INPP4B: variants seen among roughly 807,000 people sequenced by gnomAD.
INPP4B encodes the protein inositol polyphosphate 4-phosphatase type II.
INPP4B carries 55 observed loss-of-function variants against 122.5 expected under a neutral mutation model. The ratio of observed to expected loss-of-function variants is 0.45; its 90% CI spans 0.36 to 0.56. The LOEUF is 0.56. INPP4B is among the 20% of genes least tolerant of loss of function. INPP4B has a pLI of 0.00. For synonymous variants in INPP4B, 403 were observed against 388.7 expected, an observed-to-expected ratio of 1.04 and a Z score of -0.43; for missense variants, 1,000 against 1,097.7, an observed-to-expected ratio of 0.91 and a Z score of 1.26.
chr4:142,404,558 T>C (rs2149179978), intron 6 of INPP4B, among the ~76,000 whole-genome samples: 1 of 152,338 alleles, frequency 6.6e-6, no homozygotes, highest in Non-Finnish European at 1.5e-5. Flanking sequence ...CTTGACATTT[T>C]GAATGTTATA....
rs748120991 is a variant in INPP4B at position 142,123,427 on chromosome 4, AT to A, written c.1894-13del. The A allele has an allele frequency of 1.9e-6, 3 of 1,608,236 alleles. No individual in the cohort carries two copies. Among genetic ancestry groups the A allele is most frequent in the South Asian group, 1.1e-5 (1 of 89,666 alleles). ...ACCAATCCAGCAAGCTGAAAAAAAAATATTGATGAGATTTACTGCAGTTAGC... is the reference window on the plus strand; with the variant it reads ...ACCAATCCAGCAAGCTGAAAAAAAAAATTGATGAGATTTACTGCAGTTAGC... On this transcript the variant is annotated splice_polypyrimidine_tract_variant and intron_variant, in intron 19 of 25. Transcript: ENST00000262992.
intron 25 of INPP4B, chr4:142,029,697 G>A (rs1738600103): frequency 4.1e-6 from 4 of 985,760 alleles, no homozygotes; most frequent in East Asian, 1.1e-4. Flanking sequence ...TCAGCAGATG[G>A]CATCTATGAT....
chr4:142,136,722 G>C (rs1412661570), intron 18 of INPP4B, among the ~76,000 whole-genome samples: 1 of 152,200 alleles, frequency 6.6e-6, no homozygotes, highest in Non-Finnish European at 1.5e-5. Flanking sequence ...TGAAGAGGCA[G>C]GTGGTGGTAA....
At chr4:142,530,982 C>A (rs1827541062) in intron 2 of INPP4B, among the ~76,000 whole-genome samples, 1 of 151,884 alleles carries the variant, frequency 6.6e-6, no homozygotes, top group Admixed American at 6.6e-5. Flanking sequence ...TGTTATGACA[C>A]AGGTTATATG....
chr4:142,766,181 G>T (rs2150985993), intron 1 of INPP4B, among the ~76,000 whole-genome samples: 1 of 152,162 alleles, frequency 6.6e-6, no homozygotes, highest in Middle Eastern at 3.4e-3. Flanking sequence ...AACATTATTT[G>T]TAGGGTGTGC....
chr4:142,792,310 A>C (rs1776659066), intron 1 of INPP4B, among the ~76,000 whole-genome samples: 1 of 152,044 alleles, frequency 6.6e-6, no homozygotes, highest in Admixed American at 6.6e-5. Flanking sequence ...AATACATATA[A>C]ATTTTAGAAA....
intron 25 of INPP4B, among the ~76,000 whole-genome samples, chr4:142,042,542 GT>G (rs1748558538): frequency 9.0e-6 from 1 of 111,692 alleles, no homozygotes; most frequent in Non-Finnish European, 2.1e-5. Flanking sequence ...ATGTATGTAT[GT>G]ATGTATGTAT....
chr4:142,242,053 A>C (rs886091157), intron 11 of INPP4B, among the ~76,000 whole-genome samples: 1 of 152,200 alleles, frequency 6.6e-6, no homozygotes, highest in Admixed American at 6.5e-5. Context: ...TGTTTAATTA[A>C]TTATTCAGCT....
In INPP4B at chr4:142,770,860, A is replaced by C. The variant is rs185126716; in HGVS notation, c.-253-44959T>G. ...CATAGAGAGCTACAAGACAGGGCAC[A>C]ATTCTTAACACAAGAAAAGGATCCA... On this transcript the variant is annotated intron_variant, in intron 1 of 25. Coordinates refer to ENST00000262992, the MANE Select transcript of INPP4B (RefSeq NM_001101669.3). Among the ~76,000 whole-genome samples, 23 of 152,302 alleles carry C rather than the reference A, an allele frequency of 1.5e-4. No individual in the cohort carries two copies. In the East Asian group the frequency reaches 2.9e-3, roughly 19 times the overall value.
At chr4:142,115,209 A>G (rs983753124) in intron 21 of INPP4B, among the ~76,000 whole-genome samples, 5 of 152,212 alleles carry the variant, frequency 3.3e-5, no homozygotes, top group African/African-American at 1.2e-4. Flanking sequence ...AGTGACAGGG[A>G]CAATGGAACC....
intron 2 of INPP4B, among the ~76,000 whole-genome samples, chr4:142,564,100 C>T (rs551535813): frequency 8.5e-5 from 13 of 152,166 alleles, no homozygotes; most frequent in African/African-American, 2.9e-4. Context: ...AGAAACTTCC[C>T]GCAAGTCAGT....
chr4:142,532,843 T>C lies in INPP4B; in HGVS notation c.-190-70117A>G, dbSNP rs895348941. Among the ~76,000 whole-genome samples, 24 of 152,210 alleles carry C rather than the reference T, an allele frequency of 1.6e-4. 1 individual carries two copies. Among genetic ancestry groups the C allele is most frequent in the Admixed American group, 1.5e-3 (23 of 15,260 alleles). On this transcript the variant is annotated intron_variant, in intron 2 of 25. Coordinates refer to ENST00000262992, the MANE Select transcript of INPP4B (RefSeq NM_001101669.3). ...AAAAGACAGGCTGGGTAAATTCAGA[T>C]TTTTTAAATCTTATTCAAAGTTCAT...
chr4:142,777,603 A>G (rs1039308237), intron 1 of INPP4B, among the ~76,000 whole-genome samples: 12 of 152,174 alleles, frequency 7.9e-5, no homozygotes, highest in African/African-American at 2.9e-4. Context: ...GTGAGGTAAT[A>G]AACATGTGTT....
intron 7 of INPP4B, among the ~76,000 whole-genome samples, chr4:142,354,621 T>C (rs1177099328): frequency 6.6e-6 from 1 of 151,998 alleles, no homozygotes; most frequent in Non-Finnish European, 1.5e-5. Flanking sequence ...ACAAAGAGAA[T>C]CCTAAATTGT....
intron 14 of INPP4B, among the ~76,000 whole-genome samples, chr4:142,193,397 G>T (rs1836821273): frequency 6.6e-6 from 1 of 152,106 alleles, no homozygotes; most frequent in South Asian, 2.1e-4. Flanking sequence ...ACCTAAACAA[G>T]ATATAATGTT....
intron 1 of INPP4B, among the ~76,000 whole-genome samples, chr4:142,781,545 G>A (rs1404917589): frequency 2.0e-5 from 3 of 152,088 alleles, no homozygotes; most frequent in Non-Finnish European, 4.4e-5. Context: ...TACTGGCATC[G>A]ATAATATAAA....
At chr4:142,555,744 G>A (rs1248468773) in intron 2 of INPP4B, among the ~76,000 whole-genome samples, 2 of 151,680 alleles carry the variant, frequency 1.3e-5, no homozygotes, top group African/African-American at 2.4e-5. Context: ...GGTAGTGGGC[G>A]CCTGTAGTCC....
At chr4:142,581,651 A>G (rs981759592) in intron 2 of INPP4B, among the ~76,000 whole-genome samples, 1 of 151,044 alleles carries the variant, frequency 6.6e-6, no homozygotes, top group African/African-American at 2.4e-5. Flanking sequence ...TTCCATTTCT[A>G]TTAGAAATAG....
Position 142,347,642 on chromosome 4 carries a change from T to C in INPP4B, c.373-32880A>G, listed in dbSNP as rs556348852. 5.0e-5 allele frequency: 17 copies of C among 337,352 alleles called. No individual in the cohort carries two copies. In the East Asian group the frequency reaches 9.9e-4, roughly 20 times the overall value. The allele number at this position is 337,352 out of a possible 1,614,324, so 20.9% of individuals were successfully genotyped here. A position where few individuals can be genotyped will look rare whatever the true frequency, so the allele number is the denominator to read the frequency against. Reference sequence around the variant, plus strand: ...AAATTAAATTTCAATAAAAATAGTTTAAAAATTCATTAATTAAAATATTTG... The same window carrying C: ...AAATTAAATTTCAATAAAAATAGTTCAAAAATTCATTAATTAAAATATTTG... On this transcript the variant is annotated intron_variant, in intron 7 of 25. Coordinates refer to ENST00000262992, the MANE Select transcript of INPP4B (RefSeq NM_001101669.3).
Sources: allele counts gnomAD v4.1 joint callset (sites outside exome capture counted in the v4.1 genomes callset), GRCh38; gene constraint gnomAD v4.1.1; transcripts MANE v1.5; gene names NCBI Gene and HGNC (gene_info 2026-07-23, HGNC 2026-07-21).